FAM13A: variants seen among roughly 807,000 people sequenced by gnomAD.
FAM13A encodes family with sequence similarity 13 member A, also known as protein FAM13A.
FAM13A carries 76 observed loss-of-function variants against 129.6 expected under a neutral mutation model. That is an observed-to-expected ratio of 0.59 (90% CI 0.49 to 0.71). The LOEUF (loss-of-function observed/expected upper bound fraction) is 0.71. Among genes scored for constraint, FAM13A ranks in the 30% least tolerant of loss-of-function variants. The probability of loss-of-function intolerance (pLI) is 0.00; values close to 1 mark genes in which losing one functional copy is unlikely to be tolerated. For missense variants in FAM13A, 1,108 were observed against 1,249.3 expected, an observed-to-expected ratio of 0.89 and a Z score of 1.70; for synonymous variants, 443 against 449.9, an observed-to-expected ratio of 0.98 and a Z score of 0.20.
intron 4 of FAM13A, among the ~76,000 whole-genome samples, chr4:88,956,542 G>A (rs946971661): frequency 3.3e-5 from 5 of 152,154 alleles, no homozygotes; most frequent in African/African-American, 1.2e-4. Context: ...AAGAACTTAA[G>A]GAATTTATCC....
chr4:88,908,757 G>C (rs531997445), intron 5 of FAM13A, among the ~76,000 whole-genome samples: 132 of 152,294 alleles, frequency 8.7e-4, no homozygotes, highest in African/African-American at 3.1e-3. Flanking sequence ...CTAGCTCAAG[G>C]AAGAAGTAGT....
intron 4 of FAM13A, among the ~76,000 whole-genome samples, chr4:88,989,085 A>G (rs1762616769): frequency 6.6e-6 from 1 of 150,760 alleles, no homozygotes; most frequent in Non-Finnish European, 1.5e-5. Context: ...GTGGGCGCCT[A>G]TAATCCCAGC....
intron 1 of FAM13A, among the ~76,000 whole-genome samples, chr4:89,056,625 T>C (rs1422700858): frequency 2.0e-5 from 3 of 152,222 alleles, no homozygotes; most frequent in Non-Finnish European, 4.4e-5. Context: ...GAAGCATTCA[T>C]GTTTAACTAT....
chr4:88,960,771 C>G (rs1758495549), intron 4 of FAM13A, among the ~76,000 whole-genome samples: 1 of 152,182 alleles, frequency 6.6e-6, no homozygotes, highest in African/African-American at 2.4e-5. Flanking sequence ...AATAGATTTA[C>G]AGGAAGCAGC....
chr4:88,943,339 G>A (rs1755101150), intron 4 of FAM13A, among the ~76,000 whole-genome samples: 1 of 152,178 alleles, frequency 6.6e-6, no homozygotes, highest in Non-Finnish European at 1.5e-5. Context: ...AGTAAGAAAT[G>A]ATGTTTAATC....
intron 7 of FAM13A, among the ~76,000 whole-genome samples, chr4:88,837,004 A>G (rs1161720746): frequency 2.0e-5 from 3 of 151,952 alleles, no homozygotes; most frequent in South Asian, 2.1e-4. Context: ...TTTTTATTTT[A>G]CTTTTTTGAA....
At chr4:88,780,623 G>C (rs1028857368) in intron 11 of FAM13A, among the ~76,000 whole-genome samples, 6 of 152,174 alleles carry the variant, frequency 3.9e-5, no homozygotes, top group Admixed American at 2.0e-4. Flanking sequence ...AAGGATCCAA[G>C]ATTCAGGTCT....
intron 21 of FAM13A, among the ~76,000 whole-genome samples, chr4:88,733,309 T>A (rs541697430): frequency 1.3e-5 from 2 of 152,226 alleles, no homozygotes; most frequent in Non-Finnish European, 2.9e-5. Context: ...GACTATCATA[T>A]AACTGATATC....
At chr4:88,893,894 C>T (rs1455885729) in intron 6 of FAM13A, among the ~76,000 whole-genome samples, 1 of 150,890 alleles carries the variant, frequency 6.6e-6, no homozygotes, top group Non-Finnish European at 1.5e-5. Context: ...CCTGAAGTAA[C>T]ACTATATTGA....
chr4:88,907,542 T>C (rs1332567463), intron 5 of FAM13A, among the ~76,000 whole-genome samples: 12 of 152,234 alleles, frequency 7.9e-5, no homozygotes, highest in African/African-American at 2.7e-4. Context: ...TTATTATTAA[T>C]AAAGATTGAA....
chr4:88,957,162 C>A (rs545958894), intron 4 of FAM13A, among the ~76,000 whole-genome samples: 1 of 152,242 alleles, frequency 6.6e-6, no homozygotes, highest in Admixed American at 6.5e-5. Context: ...GCCATCTCTA[C>A]TGAAAATATG....
intron 11 of FAM13A, among the ~76,000 whole-genome samples, chr4:88,777,220 G>A (rs1721925264): frequency 6.6e-6 from 1 of 152,108 alleles, no homozygotes; most frequent in African/African-American, 2.4e-5. Context: ...GCTGGGAGAT[G>A]GATGTGAAAA....
intron 5 of FAM13A, among the ~76,000 whole-genome samples, chr4:88,921,308 C>T (rs992146763): frequency 2.6e-5 from 4 of 152,114 alleles, no homozygotes; most frequent in Non-Finnish European, 5.9e-5. Flanking sequence ...AGAGAAAGGT[C>T]GGGTTACCCA....
intron 4 of FAM13A, among the ~76,000 whole-genome samples, chr4:88,970,440 G>C (rs1477926107): frequency 6.6e-6 from 1 of 151,058 alleles, no homozygotes; most frequent in Non-Finnish European, 1.5e-5. Flanking sequence ...ATCTGAGAGA[G>C]AGAGATATAT....
chr4:88,793,769 C>T (rs1399325812), intron 8 of FAM13A, among the ~76,000 whole-genome samples: 2 of 151,984 alleles, frequency 1.3e-5, no homozygotes, highest in African/African-American at 4.8e-5. Flanking sequence ...TACATGATTA[C>T]AAAAGGTTAT....
chr4:88,728,416 CA>C lies in FAM13A; in HGVS notation c.*116del, dbSNP rs1253302558. 7.9e-7 allele frequency: 1 copy of C among 1,272,640 alleles called. No homozygotes were observed. Among genetic ancestry groups the C allele is most frequent in the African/African-American group, 1.5e-5 (1 of 67,122 alleles). The allele number at this position is 1,272,640 out of a possible 1,614,324, so 78.8% of individuals were successfully genotyped here. A position where few individuals can be genotyped will look rare whatever the true frequency, so the allele number is the denominator to read the frequency against. On this transcript the variant is annotated 3_prime_UTR_variant, in exon 24 of 24. Transcript: ENST00000264344. The stretch of plus-strand genomic sequence containing the variant: ...GAGCCGATGCCAAATGGTCTAGAGG[CA>C]GAAGGGCTGCATGCTTTGCAGGGCC...
intron 4 of FAM13A, among the ~76,000 whole-genome samples, chr4:88,987,837 T>TAAAAAAAAAAAAAA (rs1762432263): frequency 1.3e-4 from 2 of 15,444 alleles, no homozygotes; most frequent in African/African-American, 6.5e-4. Flanking sequence ...GAGACTCCTC[T>TAAAAAAAAAAAAAA]CAAAAAAAAA....
At chr4:88,835,812 G>A (rs1237552774) in intron 7 of FAM13A, among the ~76,000 whole-genome samples, 1 of 152,080 alleles carries the variant, frequency 6.6e-6, no homozygotes, top group African/African-American at 2.4e-5. Context: ...GGGAGAGGCT[G>A]TAAATAAAGA....
At chr4:88,974,392 A>C (rs1222004607) in intron 4 of FAM13A, among the ~76,000 whole-genome samples, 1 of 152,194 alleles carries the variant, frequency 6.6e-6, no homozygotes, top group African/African-American at 2.4e-5. Flanking sequence ...CAGTTTGTTC[A>C]GCTTTTTACT....
Sources: allele counts gnomAD v4.1 joint callset (sites outside exome capture counted in the v4.1 genomes callset), GRCh38; gene constraint gnomAD v4.1.1; transcripts MANE v1.5; gene names NCBI Gene and HGNC (gene_info 2026-07-23, HGNC 2026-07-21).